TRPC4: variants seen among roughly 807,000 people sequenced by gnomAD.
TRPC4 encodes the protein transient receptor potential cation channel subfamily C member 4.
A neutral mutation model predicts 99.4 loss-of-function variants in TRPC4; 49 were observed. The observed-to-expected ratio is 0.49, with a 90% CI of 0.39 to 0.63. The LOEUF (loss-of-function observed/expected upper bound fraction) is 0.63. Ranked by LOEUF, TRPC4 falls within the 20% of genes least tolerant of loss-of-function variation. TRPC4 has a pLI of 0.00. For synonymous variants in TRPC4, 454 were observed against 425.9 expected, an observed-to-expected ratio of 1.07 and a Z score of -0.81; for missense variants, 898 against 1,152.9, an observed-to-expected ratio of 0.78 and a Z score of 3.20.
At chr13:37,818,983 A>T (rs1158449499) in intron 1 of TRPC4, among the ~76,000 whole-genome samples, 2 of 151,814 alleles carry the variant, frequency 1.3e-5, no homozygotes, top group African/African-American at 4.8e-5. Context: ...CAAGCATATG[A>T]AAAAAAATTT....
chr13:37,646,799 T>C (rs1358987396), intron 8 of TRPC4, among the ~76,000 whole-genome samples: 1 of 152,196 alleles, frequency 6.6e-6, no homozygotes, highest in East Asian at 1.9e-4. Context: ...CAGGAAGCAA[T>C]GTCAAAAACA....
Position 37,733,725 on chromosome 13 carries a change from C to A in TRPC4, c.897+12212G>T, listed in dbSNP as rs192103204. On this transcript the variant is annotated intron_variant, in intron 3 of 10. Coordinates refer to ENST00000379705, the MANE Select transcript of TRPC4 (RefSeq NM_016179.4). Reference sequence around the variant, plus strand: ...GCTTCTGCCCACCCGGATTTATGATCATTTATTTTGCACTTACTATATTCT... The same window carrying A: ...GCTTCTGCCCACCCGGATTTATGATAATTTATTTTGCACTTACTATATTCT... 7.9e-5 allele frequency among the ~76,000 whole-genome samples: 12 copies of A among 152,138 alleles called. No homozygotes were observed. The East Asian group carries it at 2.3e-3, about 29-fold the overall frequency.
intron 1 of TRPC4, among the ~76,000 whole-genome samples, chr13:37,802,663 T>C (rs368335613): frequency 2.0e-5 from 3 of 152,198 alleles, no homozygotes; most frequent in African/African-American, 7.2e-5. Context: ...TTCTATCTAA[T>C]AGAAGCAAGT....
chr13:37,714,838 C>T (rs1383230136), intron 3 of TRPC4, among the ~76,000 whole-genome samples: 1 of 152,122 alleles, frequency 6.6e-6, no homozygotes, highest in Admixed American at 6.6e-5. Context: ...TTTTCAAAGA[C>T]TGCACTAGTA....
intron 1 of TRPC4, among the ~76,000 whole-genome samples, chr13:37,795,016 G>A (rs139570220): frequency 6.6e-6 from 1 of 152,052 alleles, no homozygotes. Flanking sequence ...TTTATAAGAT[G>A]CAATTAATTT....
intron 7 of TRPC4, among the ~76,000 whole-genome samples, chr13:37,654,633 G>A (rs1952162499): frequency 6.6e-6 from 1 of 152,058 alleles, no homozygotes; most frequent in African/African-American, 2.4e-5. Flanking sequence ...TGCTTTCCCT[G>A]AGCTTTAAGA....
intron 10 of TRPC4, 107 bp downstream of exon 10, chr13:37,638,933 G>A: frequency 1.7e-6 from 2 of 1,161,186 alleles, no homozygotes; most frequent in Non-Finnish European, 2.5e-6. Context: ...AGCCACACAG[G>A]CTTGCTGGAA....
At chr13:37,693,534 T>G (rs1343079533) in intron 3 of TRPC4, among the ~76,000 whole-genome samples, 1 of 152,212 alleles carries the variant, frequency 6.6e-6, no homozygotes, top group Non-Finnish European at 1.5e-5. Flanking sequence ...ATTTCCCATC[T>G]TTCTTCTTTA....
At chr13:37,712,402 C>T (rs1954515722) in intron 3 of TRPC4, among the ~76,000 whole-genome samples, 1 of 152,192 alleles carries the variant, frequency 6.6e-6, no homozygotes, top group South Asian at 2.1e-4. Context: ...TCACCGATTT[C>T]TGTTCCTAGG....
intron 1 of TRPC4, among the ~76,000 whole-genome samples, chr13:37,784,602 T>C (rs1398023996): frequency 6.6e-6 from 1 of 152,078 alleles, no homozygotes; most frequent in Non-Finnish European, 1.5e-5. Context: ...AAAATTAAAA[T>C]GAATAGGGTG....
chr13:37,846,295 A>G (rs1341225040), intron 1 of TRPC4, among the ~76,000 whole-genome samples: 4 of 152,296 alleles, frequency 2.6e-5, no homozygotes, highest in African/African-American at 9.6e-5. Context: ...ATTCTCTAAT[A>G]TTGTAAGGGT....
At chr13:37,835,948 C>A (rs1261315832) in intron 1 of TRPC4, among the ~76,000 whole-genome samples, 1 of 152,186 alleles carries the variant, frequency 6.6e-6, no homozygotes, top group African/African-American at 2.4e-5. Context: ...CAAATCTCAT[C>A]TTAAATTCCT....
At position 37,640,084 on chromosome 13, in the gene TRPC4, G is replaced by GAA. The variant is rs565003651; in HGVS notation, c.2080-787_2080-786dup. On this transcript the variant is annotated intron_variant, in intron 8 of 10. Coordinates refer to ENST00000379705, the MANE Select transcript of TRPC4 (RefSeq NM_016179.4). ...ATTCTCAAGTATTCTAAAGATATTAGAAAAAAACCCTACATAATCCCAATT... is the reference window on the plus strand; with the variant it reads ...ATTCTCAAGTATTCTAAAGATATTAGAAAAAAAAACCCTACATAATCCCAATT... 5.9e-5 allele frequency among the ~76,000 whole-genome samples: 9 copies of GAA among 151,670 alleles called. No individual in the cohort carries two copies. The East Asian group carries it at 1.7e-3, about 29-fold the overall frequency.
chr13:37,834,742 T>A (rs1958514945), intron 1 of TRPC4, among the ~76,000 whole-genome samples: 1 of 152,184 alleles, frequency 6.6e-6, no homozygotes, highest in African/African-American at 2.4e-5. Context: ...ATTACATTTT[T>A]TTGAGACAGA....
chr13:37,706,632 C>T (rs113366226), intron 3 of TRPC4, among the ~76,000 whole-genome samples: 4 of 150,880 alleles, frequency 2.7e-5, no homozygotes, highest in Non-Finnish European at 4.4e-5. Flanking sequence ...TCCCCCCTAC[C>T]CCCACCCCAC....
chr13:37,836,615 G>T (rs1222818204), intron 1 of TRPC4, among the ~76,000 whole-genome samples: 1 of 152,128 alleles, frequency 6.6e-6, no homozygotes, highest in South Asian at 2.1e-4. Flanking sequence ...ATGATTTAGG[G>T]TATCTGCTGG....
chr13:37,795,771 C>A (rs1044492670), intron 1 of TRPC4, among the ~76,000 whole-genome samples: 2 of 152,096 alleles, frequency 1.3e-5, no homozygotes, highest in South Asian at 4.1e-4. Context: ...TTCATTTAAT[C>A]CTCTTCTAAT....
At chr13:37,691,226 C>G (rs1482699813) in intron 4 of TRPC4, among the ~76,000 whole-genome samples, 1 of 152,052 alleles carries the variant, frequency 6.6e-6, no homozygotes, top group East Asian at 1.9e-4. Flanking sequence ...CTCAGCCTCC[C>G]GAGTAGCTGG....
chr13:37,851,692 C>T (rs1959062637), intron 1 of TRPC4, among the ~76,000 whole-genome samples: 3 of 152,180 alleles, frequency 2.0e-5, no homozygotes, highest in African/African-American at 7.2e-5. Context: ...GGTGAGCAAT[C>T]ACAGTACCTG....
Sources: gnomAD v4.1 joint callset for allele counts (sites outside exome capture counted in the v4.1 genomes callset) on GRCh38, gnomAD v4.1.1 for gene constraint, MANE v1.5 for transcripts, NCBI Gene and HGNC (gene_info 2026-07-23, HGNC 2026-07-21) for gene names.